The following PTPRT variants were observed in gnomAD, a reference collection of about 807,000 sequenced individuals.
PTPRT encodes protein tyrosine phosphatase receptor type T.
Under a neutral mutation model 176.8 loss-of-function variants are expected in PTPRT, and 56 were observed. The ratio of observed to expected loss-of-function variants is 0.32; its 90% CI spans 0.26 to 0.40. The LOEUF (loss-of-function observed/expected upper bound fraction) is 0.40, where lower values mean the gene tolerates loss of function less well. Ranked by LOEUF, PTPRT falls within the 10% of genes least tolerant of loss-of-function variation. PTPRT has a pLI of 1.00. For synonymous variants in PTPRT, 783 were observed against 739.0 expected (o/e 1.06, Z -0.96); for missense variants, 1,540 against 1,908.2 (o/e 0.81, Z 3.60).
intron 7 of PTPRT, among the ~76,000 whole-genome samples, chr20:42,538,882 G>A (rs1568960689): frequency 6.6e-6 from 1 of 152,148 alleles, no homozygotes; most frequent in Non-Finnish European, 1.5e-5. Context: ...GCACTGTAAT[G>A]TATCCTCCTG....
chr20:43,003,315 T>C (rs1053663204), intron 1 of PTPRT, among the ~76,000 whole-genome samples: 2 of 152,196 alleles, frequency 1.3e-5, no homozygotes, highest in Non-Finnish European at 2.9e-5. Context: ...GGCTCTCAAG[T>C]AGCTGAGAAT....
At chr20:42,955,519 A>G (rs1211394995) in intron 1 of PTPRT, among the ~76,000 whole-genome samples, 4 of 152,218 alleles carry the variant, frequency 2.6e-5, no homozygotes, top group African/African-American at 7.2e-5. Flanking sequence ...CTCAATTGCC[A>G]TGACTGAGGG....
intron 27 of PTPRT, among the ~76,000 whole-genome samples, chr20:42,096,610 A>T (rs1238301731): frequency 1.3e-5 from 2 of 152,058 alleles, no homozygotes; most frequent in African/African-American, 4.8e-5. Context: ...TAAAAAAAAA[A>T]TGGGTTCTTG....
intron 14 of PTPRT, among the ~76,000 whole-genome samples, chr20:42,248,147 A>G (rs534665734): frequency 1.3e-5 from 2 of 152,270 alleles, no homozygotes; most frequent in African/African-American, 4.8e-5. Flanking sequence ...GTTCTGTGGG[A>G]CAGGACATAG....
At chr20:42,564,521 G>C (rs1275007655) in intron 7 of PTPRT, among the ~76,000 whole-genome samples, 1 of 152,164 alleles carries the variant, frequency 6.6e-6, no homozygotes, top group African/African-American at 2.4e-5. Context: ...AGTGGGGGTT[G>C]AACAATGAGA....
At chr20:42,806,127 C>T (rs2077604647) in intron 2 of PTPRT, among the ~76,000 whole-genome samples, 1 of 151,860 alleles carries the variant, frequency 6.6e-6, no homozygotes, top group African/African-American at 2.4e-5. Flanking sequence ...TAAAGTGCAT[C>T]CCTGGGCAAA....
At chr20:42,451,709 A>C (rs1164116386) in intron 8 of PTPRT, among the ~76,000 whole-genome samples, 1 of 152,160 alleles carries the variant, frequency 6.6e-6, no homozygotes, top group African/African-American at 2.4e-5. Context: ...TGAGTAGTCG[A>C]GTAAGATGTG....
chr20:42,139,433 A>G (rs1397203734), intron 18 of PTPRT, among the ~76,000 whole-genome samples: 1 of 152,226 alleles, frequency 6.6e-6, no homozygotes, highest in East Asian at 1.9e-4. Context: ...GGGGTGATGT[A>G]CGACAGGGAA....
chr20:42,447,026 C>A (rs1220784173), intron 9 of PTPRT, among the ~76,000 whole-genome samples: 1 of 152,132 alleles, frequency 6.6e-6, no homozygotes, highest in Non-Finnish European at 1.5e-5. Flanking sequence ...CTCAGGACCA[C>A]CTGTGACTCT....
intron 16 of PTPRT, among the ~76,000 whole-genome samples, chr20:42,193,935 A>G (rs1455539172): frequency 2.0e-5 from 3 of 152,186 alleles, no homozygotes; most frequent in African/African-American, 7.2e-5. Context: ...TGAGATGGAT[A>G]GACTCTAACT....
chr20:42,216,088 C>G (rs2055763775), intron 15 of PTPRT, among the ~76,000 whole-genome samples: 1 of 151,360 alleles, frequency 6.6e-6, no homozygotes, highest in Non-Finnish European at 1.5e-5. Flanking sequence ...TATTTCCCTA[C>G]AGCTGAGTGA....
chr20:42,165,091 TA>T (rs1989769905), intron 16 of PTPRT, among the ~76,000 whole-genome samples: 1 of 152,164 alleles, frequency 6.6e-6, no homozygotes, highest in Admixed American at 6.5e-5. Context: ...GATTTTGGGT[TA>T]CTGTCTCACT....
chr20:42,085,689 G>C (rs1312900207), intron 28 of PTPRT, 39 bp downstream of exon 28: 1 of 1,611,700 alleles, frequency 6.2e-7, no homozygotes, highest in Non-Finnish European at 8.5e-7. Flanking sequence ...CTGTCTTGGG[G>C]AGGAGGGGCT....
chr20:42,300,126 C>T lies in PTPRT; in HGVS notation c.2139+15597G>A, dbSNP rs1333089982. On this transcript the variant is annotated intron_variant, in intron 12 of 30. Transcript: ENST00000373187. Reference sequence around the variant, plus strand: ...TAAAAAAATTAGCTGGGCATGATGGCCGGTGCCTGTAATCCCAGCTACTCA... The same window carrying T: ...TAAAAAAATTAGCTGGGCATGATGGTCGGTGCCTGTAATCCCAGCTACTCA... Among the ~76,000 whole-genome samples the T allele has an allele frequency of 4.6e-5, 7 of 151,804 alleles. No individual in the cohort carries two copies. The East Asian group carries it at 1.4e-3, about 30-fold the overall frequency.
chr20:42,646,971 T>C (rs2074919950), intron 7 of PTPRT, among the ~76,000 whole-genome samples: 2 of 141,058 alleles, frequency 1.4e-5, no homozygotes, highest in Admixed American at 1.5e-4. Flanking sequence ...CGTGGTTCAC[T>C]GCAGCCTTAA....
chr20:42,065,002 G>A, the PTPRT span, among the ~76,000 whole-genome samples: 13 of 152,190 alleles, frequency 8.5e-5, no homozygotes, highest in Non-Finnish European at 1.8e-4. Context: ...TGCTGAAGAG[G>A]CCACATGAAG....
chr20:43,053,425 T>C (rs1214866532), intron 1 of PTPRT, among the ~76,000 whole-genome samples: 1 of 152,224 alleles, frequency 6.6e-6, no homozygotes, highest in Non-Finnish European at 1.5e-5. Flanking sequence ...CTGGCAGAGC[T>C]GATTACAACC....
chr20:42,771,657 C>G, intron 4 of PTPRT, 107 bp from the exon 5 acceptor site: 1 of 850,436 alleles, frequency 1.2e-6, no homozygotes, highest in East Asian at 2.5e-5. Context: ...GTGGAACTGG[C>G]ACTTAAGAAG....
At chr20:42,956,264 G>A (rs549068363) in intron 1 of PTPRT, among the ~76,000 whole-genome samples, 1 of 152,290 alleles carries the variant, frequency 6.6e-6, no homozygotes, top group South Asian at 2.1e-4. Flanking sequence ...GTGGGACCTA[G>A]TGGGAAGCAA....
Sources: allele counts gnomAD v4.1 joint callset (sites outside exome capture counted in the v4.1 genomes callset), GRCh38; gene constraint gnomAD v4.1.1; transcripts MANE v1.5; gene names NCBI Gene and HGNC (gene_info 2026-07-23, HGNC 2026-07-21).